DHRSX: variants seen among roughly 807,000 people sequenced by gnomAD.
DHRSX encodes polyprenol dehydrogenase.
In DHRSX, 31 loss-of-function variants were observed where a neutral mutation model predicts 34.0. The observed-to-expected ratio is 0.91, with a 90% CI of 0.69 to 1.23. The LOEUF is 1.23. Among genes scored for constraint, DHRSX ranks in the 50% most tolerant of loss-of-function variants. DHRSX has a pLI of 0.00. For missense variants in DHRSX, 414 were observed against 428.1 expected (o/e 0.97, Z 0.29); for synonymous variants, 201 against 183.8 (o/e 1.09, Z -0.76).
chrX:2,389,623 G>A (rs1193710932), intron 3 of DHRSX, among the ~76,000 whole-genome samples: 1 of 152,110 alleles, frequency 6.6e-6, no homozygotes, highest in African/African-American at 2.4e-5. Flanking sequence ...ACACACACGA[G>A]TCACTCACCA....
At chrX:2,392,442 G>A in intron 3 of DHRSX, 1 of 307,466 alleles carries the variant, frequency 3.3e-6, no homozygotes, top group Non-Finnish European at 6.6e-6. Flanking sequence ...CAGAGGCAAA[G>A]CCAGCCCGGG....
chrX:2,428,092 C>T (rs868045628), intron 1 of DHRSX, among the ~76,000 whole-genome samples: 2 of 151,986 alleles, frequency 1.3e-5, no homozygotes, highest in African/African-American at 2.4e-5. Context: ...AAATAGACAT[C>T]GAGGACTCAG....
intron 3 of DHRSX, among the ~76,000 whole-genome samples, chrX:2,306,340 A>G (rs2042096337): frequency 6.6e-6 from 1 of 152,136 alleles, no homozygotes; most frequent in Non-Finnish European, 1.5e-5. Context: ...GCCCTGCAGC[A>G]GGGGAAGGCA....
At chrX:2,254,532 C>T (rs2041249205) in intron 5 of DHRSX, among the ~76,000 whole-genome samples, 1 of 152,192 alleles carries the variant, frequency 6.6e-6, no homozygotes, top group Non-Finnish European at 1.5e-5. Context: ...CCATTACATT[C>T]TTTCTAGGAT....
At chrX:2,471,697 C>T (rs1308307043) in intron 1 of DHRSX, among the ~76,000 whole-genome samples, 1 of 152,182 alleles carries the variant, frequency 6.6e-6, no homozygotes, top group Non-Finnish European at 1.5e-5. Context: ...ATTGCAATCA[C>T]TCCACAGTTT....
chrX:2,366,342 G>A (rs1396855846), intron 3 of DHRSX, among the ~76,000 whole-genome samples: 1 of 151,662 alleles, frequency 6.6e-6, no homozygotes, highest in Non-Finnish European at 1.5e-5. Context: ...TCGGGAGGCT[G>A]ACACAGAAGA....
intron 3 of DHRSX, among the ~76,000 whole-genome samples, chrX:2,319,993 TA>T (rs1180288244): frequency 6.6e-6 from 1 of 151,824 alleles, no homozygotes; most frequent in Non-Finnish European, 1.5e-5. Flanking sequence ...CATTCCCAGC[TA>T]ATTTTTTGTA....
intron 3 of DHRSX, among the ~76,000 whole-genome samples, chrX:2,346,542 G>C (rs1261513924): frequency 6.6e-6 from 1 of 151,948 alleles, no homozygotes; most frequent in Non-Finnish European, 1.5e-5. Flanking sequence ...CCTTTGGAAA[G>C]CCTCCCATAG....
intron 1 of DHRSX, among the ~76,000 whole-genome samples, chrX:2,447,942 C>G (rs1438290948): frequency 1.5e-4 from 22 of 150,468 alleles, no homozygotes; most frequent in African/African-American, 5.4e-4. Context: ...TGTCCGGAAT[C>G]ACAATGCTAT....
chrX:2,465,473 GCA>G (rs1210922561), intron 1 of DHRSX, among the ~76,000 whole-genome samples: 1 of 152,040 alleles, frequency 6.6e-6, no homozygotes, highest in Non-Finnish European at 1.5e-5. Flanking sequence ...TTTCATCACA[GCA>G]CAGAGCCACT....
chrX:2,259,029 C>T (rs2041318385), intron 5 of DHRSX, among the ~76,000 whole-genome samples: 2 of 152,146 alleles, frequency 1.3e-5, no homozygotes, highest in African/African-American at 4.8e-5. Context: ...AATCCCAGCA[C>T]TTTGGGAGGC....
chrX:2,363,411 T>A (rs1281920513), intron 3 of DHRSX, among the ~76,000 whole-genome samples: 3 of 141,338 alleles, frequency 2.1e-5, no homozygotes, highest in Non-Finnish European at 4.7e-5. Flanking sequence ...TTCTATGGTA[T>A]CATGCCGCCA....
chrX:2,486,722 C>G (rs2044943503), intron 1 of DHRSX: 1 of 152,310 alleles, frequency 6.6e-6, no homozygotes, highest in African/African-American at 2.4e-5. Context: ...TCCAGCTGCC[C>G]TTCTGCCGAG....
intron 3 of DHRSX, among the ~76,000 whole-genome samples, chrX:2,296,461 G>A (rs2041932655): frequency 6.6e-6 from 1 of 152,142 alleles, no homozygotes; most frequent in African/African-American, 2.4e-5. Flanking sequence ...TAGACCCGAG[G>A]CAGACAGGAA....
At position 2,478,402 on chromosome X, in the gene DHRSX, C is replaced by G. The variant is rs369058756; in HGVS notation, c.109+22415G>C. On this transcript the variant is annotated intron_variant, in intron 1 of 6. Coordinates refer to ENST00000334651, the MANE Select transcript of DHRSX (RefSeq NM_145177.3). ...AGAATGTGGCAGGGACACATTCTGGCCAATGGACTGTCACCTTGTACAAAC... is the reference window on the plus strand; with the variant it reads ...AGAATGTGGCAGGGACACATTCTGGGCAATGGACTGTCACCTTGTACAAAC... Among the ~76,000 whole-genome samples, 331 of 152,234 alleles carry G rather than the reference C, an allele frequency of 2.2e-3. 3 individuals carry two copies. Among genetic ancestry groups the G allele is most frequent in the African/African-American group, 6.7e-3 (279 of 41,556 alleles).
intron 1 of DHRSX, among the ~76,000 whole-genome samples, chrX:2,474,640 CCTAACA>C (rs1179044895): frequency 6.6e-6 from 1 of 151,802 alleles, no homozygotes; most frequent in African/African-American, 2.4e-5. Context: ...AAAGACGTTC[CCTAACA>C]ATGAGGCCAA....
At chrX:2,358,173 G>C (rs895261911) in intron 3 of DHRSX, among the ~76,000 whole-genome samples, 7 of 152,132 alleles carry the variant, frequency 4.6e-5, no homozygotes, top group African/African-American at 1.4e-4. Flanking sequence ...AAGTTTCAAA[G>C]AGCTTCTGCA....
chrX:2,358,501 T>A (rs1365234936), intron 3 of DHRSX, among the ~76,000 whole-genome samples: 1 of 151,902 alleles, frequency 6.6e-6, no homozygotes. Context: ...ATCAAGACCA[T>A]CCTGGCTAAC....
intron 1 of DHRSX, among the ~76,000 whole-genome samples, chrX:2,479,494 T>G (rs1452718600): frequency 1.3e-5 from 2 of 149,858 alleles, no homozygotes; most frequent in African/African-American, 2.5e-5. Context: ...GGGACCACCG[T>G]GTACGCACTG....
Sources: allele counts gnomAD v4.1 joint callset (sites outside exome capture counted in the v4.1 genomes callset), GRCh38; gene constraint gnomAD v4.1.1; transcripts MANE v1.5; gene names NCBI Gene and HGNC (gene_info 2026-07-23, HGNC 2026-07-21).